ROBO2: variants seen among roughly 807,000 people sequenced by gnomAD.
ROBO2 encodes roundabout guidance receptor 2.
A neutral mutation model predicts 160.8 loss-of-function variants in ROBO2; 53 were observed. The ratio of observed to expected loss-of-function variants is 0.33; its 90% CI spans 0.26 to 0.41. ROBO2 has a LOEUF of 0.41. ROBO2 is among the 10% of genes least tolerant of loss of function. The pLI is 1.00. For missense variants in ROBO2, 1,577 were observed against 1,722.4 expected (o/e 0.92, Z 1.49); for synonymous variants, 664 against 611.7 (o/e 1.09, Z -1.26).
At chr3:77,112,366 C>A (rs1009132621) in intron 2 of ROBO2, among the ~76,000 whole-genome samples, 7 of 151,854 alleles carry the variant, frequency 4.6e-5, no homozygotes, top group African/African-American at 1.7e-4. Context: ...GCCTCAGCCT[C>A]ATGAGTAGCT....
chr3:77,236,894 T>C (rs926314612), intron 2 of ROBO2, among the ~76,000 whole-genome samples: 2 of 152,154 alleles, frequency 1.3e-5, no homozygotes, highest in Non-Finnish European at 2.9e-5. Flanking sequence ...AGACAAGGTA[T>C]TGCTTTGTTG....
At chr3:77,556,017 A>T (rs2093105944) in intron 8 of ROBO2, among the ~76,000 whole-genome samples, 1 of 151,904 alleles carries the variant, frequency 6.6e-6, no homozygotes, top group Non-Finnish European at 1.5e-5. Context: ...GATTTCAGGG[A>T]TATGACAATA....
At chr3:76,224,137 A>T (rs958294293) in intron 2 of ROBO2, among the ~76,000 whole-genome samples, 3 of 152,094 alleles carry the variant, frequency 2.0e-5, no homozygotes, top group African/African-American at 7.2e-5. Context: ...GGTACTGTTT[A>T]TTTGGGGAAC....
At chr3:76,722,642 A>G (rs1466213940) in intron 2 of ROBO2, among the ~76,000 whole-genome samples, 1 of 152,176 alleles carries the variant, frequency 6.6e-6, no homozygotes, top group East Asian at 1.9e-4. Flanking sequence ...CCCAGGGTCA[A>G]TCACTAATCT....
chr3:76,292,116 C>T (rs551307939), intron 2 of ROBO2, among the ~76,000 whole-genome samples: 1 of 152,240 alleles, frequency 6.6e-6, no homozygotes, highest in African/African-American at 2.4e-5. Flanking sequence ...TTATTGAAGT[C>T]TCCTGCTATG....
At chr3:76,227,965 A>C (rs1704392645) in intron 2 of ROBO2, among the ~76,000 whole-genome samples, 1 of 152,334 alleles carries the variant, frequency 6.6e-6, no homozygotes, top group Admixed American at 6.5e-5. Context: ...AATATGCCTA[A>C]TATACTCTAT....
chr3:76,101,411 T>G (rs1408857414), intron 2 of ROBO2, among the ~76,000 whole-genome samples: 1 of 152,102 alleles, frequency 6.6e-6, no homozygotes, highest in Non-Finnish European at 1.5e-5. Context: ...ACATTGAATT[T>G]GCAACACTAA....
rs143081737 is a variant in ROBO2 at position 77,600,156 on chromosome 3, A to G, written c.2855-2054A>G. ...GAAATGGAAAAAAGACCTGCTAAAT[A>G]TGACATCACCTATTTAGGTCTAGCC... On this transcript the variant is annotated intron_variant, in intron 19 of 25. Transcript: ENST00000461745. Among the ~76,000 whole-genome samples the G allele has an allele frequency of 3.5e-3, 526 of 152,328 alleles. 3 individuals carry two copies. Among genetic ancestry groups the G allele is most frequent in the African/African-American group, 0.012 (509 of 41,576 alleles).
In ROBO2 at chr3:76,697,765, A is replaced by G. The variant is rs530332445; in HGVS notation, c.110-400249A>G. Among the ~76,000 whole-genome samples, 12 of 152,286 alleles carry G rather than the reference A, an allele frequency of 7.9e-5. No homozygotes were observed. The South Asian group carries it at 2.1e-3, about 26-fold the overall frequency. On this transcript the variant is annotated intron_variant, in intron 2 of 26. Transcript: ENST00000487694. ...TTTTGCCTACAAAATGTCATTTTCT[A>G]TGATTCAGTCTGATATTTTGAGCCA...
intron 2 of ROBO2, among the ~76,000 whole-genome samples, chr3:77,023,743 A>G (rs2062783969): frequency 6.6e-6 from 1 of 152,164 alleles, no homozygotes; most frequent in Non-Finnish European, 1.5e-5. Flanking sequence ...TAGACAGAAA[A>G]AGTTAAAACC....
At chr3:77,601,264 G>T (rs530162275) in intron 19 of ROBO2, among the ~76,000 whole-genome samples, 2 of 152,230 alleles carry the variant, frequency 1.3e-5, no homozygotes, top group Admixed American at 6.5e-5. Flanking sequence ...GCTTTCAGAA[G>T]ATAGCTTATT....
chr3:77,514,732 G>T (rs1324113568), intron 5 of ROBO2, among the ~76,000 whole-genome samples: 1 of 151,792 alleles, frequency 6.6e-6, no homozygotes, highest in East Asian at 1.9e-4. Flanking sequence ...TTGCTTTGAA[G>T]GGAGAAATGC....
rs77827894 is a variant in ROBO2 at position 76,698,361 on chromosome 3, G to T, written c.110-399653G>T. Among the ~76,000 whole-genome samples, 1,180 of 152,306 alleles carry T rather than the reference G, an allele frequency of 7.7e-3. 22 individuals carry two copies. Among genetic ancestry groups the T allele is most frequent in the African/African-American group, 0.027 (1,130 of 41,576 alleles). ...GTTCAGAGAAATGATAAAAAGCAGA[G>T]TGAGGATAGTGACAGTGGTGTGTTT... On this transcript the variant is annotated intron_variant, in intron 2 of 26. Coordinates refer to the ROBO2 transcript ENST00000487694.
intron 2 of ROBO2, among the ~76,000 whole-genome samples, chr3:77,340,800 A>G (rs769447489): frequency 5.3e-5 from 8 of 152,118 alleles, no homozygotes; most frequent in Non-Finnish European, 1.0e-4. Flanking sequence ...AGGTATAAGA[A>G]AGCATTTCAT....
chr3:76,651,348 C>T (rs1304038360), intron 2 of ROBO2, among the ~76,000 whole-genome samples: 1 of 152,122 alleles, frequency 6.6e-6, no homozygotes, highest in African/African-American at 2.4e-5. Context: ...GTGAGGTATT[C>T]TAAGCTTGGC....
chr3:76,884,055 T>C (rs1324896243), intron 2 of ROBO2, among the ~76,000 whole-genome samples: 2 of 152,228 alleles, frequency 1.3e-5, no homozygotes, highest in African/African-American at 2.4e-5. Context: ...AATCATCTCT[T>C]CTTGCTTAGA....
intron 2 of ROBO2, among the ~76,000 whole-genome samples, chr3:76,265,946 A>G (rs1474737942): frequency 1.3e-5 from 2 of 152,184 alleles, no homozygotes; most frequent in Non-Finnish European, 2.9e-5. Flanking sequence ...AGGGTAAGTA[A>G]GCTCTTCAAT....
chr3:76,747,318 G>A (rs2093910151), intron 2 of ROBO2, among the ~76,000 whole-genome samples: 2 of 151,958 alleles, frequency 1.3e-5, no homozygotes, highest in African/African-American at 4.8e-5. Flanking sequence ...CAATTTTCTT[G>A]TAAGTCTAAT....
intron 2 of ROBO2, among the ~76,000 whole-genome samples, chr3:76,639,529 G>A (rs529967490): frequency 1.7e-4 from 26 of 151,824 alleles, no homozygotes; most frequent in South Asian, 8.3e-4. Context: ...ACTATGAAAC[G>A]AGGAGCAGTT....
Sources: gnomAD v4.1 joint callset for allele counts (sites outside exome capture counted in the v4.1 genomes callset) on GRCh38, gnomAD v4.1.1 for gene constraint, MANE v1.5 for transcripts, NCBI Gene and HGNC (gene_info 2026-07-23, HGNC 2026-07-21) for gene names.